CAMK2B: variants seen among roughly 807,000 people sequenced by gnomAD.
CAMK2B encodes calcium/calmodulin-dependent protein kinase type II subunit beta.
A neutral mutation model predicts 93.7 loss-of-function variants in CAMK2B; 27 were observed. The observed-to-expected ratio is 0.29, with a 90% CI of 0.21 to 0.40. The LOEUF is 0.40. CAMK2B is among the 10% of genes least tolerant of loss of function. CAMK2B has a pLI of 1.00. For missense variants in CAMK2B, 568 were observed against 895.8 expected (o/e 0.63, Z 4.67); for synonymous variants, 374 against 358.8 (o/e 1.04, Z -0.48).
chr7:44,304,388 C>A (rs1384831968), intron 1 of CAMK2B, among the ~76,000 whole-genome samples: 3 of 152,144 alleles, frequency 2.0e-5, no homozygotes, highest in Non-Finnish European at 4.4e-5. Flanking sequence ...TACATCCAGA[C>A]AATGGAATAT....
Position 44,311,302 on chromosome 7 carries a change from C to T in CAMK2B, c.65+14055G>A, listed in dbSNP as rs1019429513. Reference sequence around the variant, plus strand: ...TGTTGGCCAGGCTGGTCTCGAACTCCTGACTTCAAGTGATCCGCCCATCTC... The same window carrying T: ...TGTTGGCCAGGCTGGTCTCGAACTCTTGACTTCAAGTGATCCGCCCATCTC... On this transcript the variant is annotated intron_variant, in intron 1 of 23. Transcript: ENST00000395749. The surrounding 1 kb of genome is among the most constrained non-coding windows in gnomAD (Gnocchi z 4.2). Among the ~76,000 whole-genome samples, 2 of 152,304 alleles carry T rather than the reference C, an allele frequency of 1.3e-5. No individual in the cohort carries two copies. Among genetic ancestry groups the T allele is most frequent in the East Asian group, 3.9e-4 (2 of 5,176 alleles).
chr7:44,325,253 G>T (rs1324255133), intron 1 of CAMK2B, 104 bp downstream of exon 1: 9 of 572,628 alleles, frequency 1.6e-5, no homozygotes, highest in Non-Finnish European at 2.0e-5. Context: ...AGAAGCCGGC[G>T]GCGCGCGGGC....
Position 44,217,609 on chromosome 7 carries a change from A to ATGGGGACAGCTGTCC in CAMK2B, c.*1901_*1915dup, listed in dbSNP as rs1252943288. 5 of 152,256 alleles carry ATGGGGACAGCTGTCC rather than the reference A, an allele frequency of 3.3e-5. No individual in the cohort carries two copies. The highest frequency in any genetic ancestry group is 7.3e-5 in the Non-Finnish European group (5 of 68,084). The allele number at this position is 152,256 out of a possible 1,614,324, so 9.4% of individuals were successfully genotyped here. A position where few individuals can be genotyped will look rare whatever the true frequency, so the allele number is the denominator to read the frequency against. ...GCAGATGTTTACCCTGTGTTCATGG[A>ATGGGGACAGCTGTCC]TGGGGACAGCTGTCCTGGGCACAGC... is the stretch of plus-strand genomic sequence containing the variant. On this transcript the variant is annotated 3_prime_UTR_variant, in exon 24 of 24. Coordinates refer to ENST00000395749, the MANE Select transcript of CAMK2B (RefSeq NM_001220.5).
chr7:44,324,372 C>G (rs138392953), intron 1 of CAMK2B, among the ~76,000 whole-genome samples: 310 of 151,990 alleles, frequency 2.0e-3, no homozygotes, highest in Non-Finnish European at 1.4e-3. Flanking sequence ...AGTTCTGAAG[C>G]TAGCCCTAGG....
chr7:44,302,428 A>G (rs1297218432), intron 1 of CAMK2B, among the ~76,000 whole-genome samples: 2 of 152,182 alleles, frequency 1.3e-5, no homozygotes, highest in Non-Finnish European at 2.9e-5. Context: ...TAATACTAAA[A>G]CCAGACAAGG....
At chr7:44,319,682 C>CA (rs1249695118) in intron 1 of CAMK2B, among the ~76,000 whole-genome samples, 1 of 152,214 alleles carries the variant, frequency 6.6e-6, no homozygotes, top group Non-Finnish European at 1.5e-5. Flanking sequence ...AATGACCTTT[C>CA]AGGCCCTGAT....
chr7:44,263,398 G>A (rs1374297454), intron 2 of CAMK2B, among the ~76,000 whole-genome samples: 2 of 152,244 alleles, frequency 1.3e-5, no homozygotes, highest in Non-Finnish European at 2.9e-5. Context: ...CATACTCTTT[G>A]GAGCTTTTGG....
chr7:44,219,981 C>T, intron 23 of CAMK2B, 79 bp downstream of exon 23: 2 of 1,243,124 alleles, frequency 1.6e-6, no homozygotes, highest in East Asian at 2.6e-5. Context: ...CCACCGCTCC[C>T]CATCGCCTCC....
chr7:44,268,309 C>T (rs1229713188), intron 2 of CAMK2B, among the ~76,000 whole-genome samples: 5 of 152,230 alleles, frequency 3.3e-5, no homozygotes, highest in East Asian at 1.9e-4. Context: ...GTGGTGCCTG[C>T]CTGGTGGCTG....
intron 1 of CAMK2B, among the ~76,000 whole-genome samples, chr7:44,303,556 A>C (rs1340990498): frequency 6.6e-6 from 1 of 152,244 alleles, no homozygotes; most frequent in Non-Finnish European, 1.5e-5. Flanking sequence ...TCAGATGAAA[A>C]AAATGAATCT....
At chr7:44,302,981 A>G (rs984114732) in intron 1 of CAMK2B, among the ~76,000 whole-genome samples, 1 of 152,192 alleles carries the variant, frequency 6.6e-6, no homozygotes, top group Non-Finnish European at 1.5e-5. Flanking sequence ...TTTGTTCATA[A>G]ATGATATGCC....
chr7:44,266,909 C>T (rs547470935), intron 2 of CAMK2B: 1 of 152,254 alleles, frequency 6.6e-6, no homozygotes, highest in Non-Finnish European at 1.5e-5. Flanking sequence ...CCACCCCATC[C>T]AACAGCCGGT....
chr7:44,262,074 C>T (rs1023683718), intron 3 of CAMK2B, among the ~76,000 whole-genome samples: 1 of 152,232 alleles, frequency 6.6e-6, no homozygotes, highest in Non-Finnish European at 1.5e-5. Context: ...GGTGAAGCAT[C>T]AGATGAGGCG....
chr7:44,231,426 G>A (rs1190900428), intron 16 of CAMK2B, among the ~76,000 whole-genome samples: 1 of 152,218 alleles, frequency 6.6e-6, no homozygotes, highest in Non-Finnish European at 1.5e-5. Flanking sequence ...ACACATGAGG[G>A]CTCCACTTCT....
At chr7:44,291,289 C>T (rs942404586) in intron 1 of CAMK2B, among the ~76,000 whole-genome samples, 3 of 152,114 alleles carry the variant, frequency 2.0e-5, no homozygotes, top group Non-Finnish European at 4.4e-5. Flanking sequence ...CAAGCAGGTG[C>T]CCCGCCAGGC....
Position 44,325,526 on chromosome 7 carries a change from C to T in CAMK2B, c.-105G>A. The T allele has an allele frequency of 1.6e-6, 1 of 619,768 alleles. No homozygotes were observed. The highest frequency in any genetic ancestry group is 2.0e-6 in the Non-Finnish European group (1 of 496,954). The allele number at this position is 619,768 out of a possible 1,614,324, so 38.4% of individuals were successfully genotyped here. A position where few individuals can be genotyped will look rare whatever the true frequency, so the allele number is the denominator to read the frequency against. ...GCGACACGGGCGCGGGCGCGGGAGA[C>T]ACCTCGGCTCGCGGCGCCAGGCGGG... On this transcript the variant is annotated 5_prime_UTR_variant, in exon 1 of 24. Coordinates refer to ENST00000395749, the MANE Select transcript of CAMK2B (RefSeq NM_001220.5).
chr7:44,324,936 C>G (rs1305704772), intron 1 of CAMK2B: 1 of 151,990 alleles, frequency 6.6e-6, no homozygotes, highest in Non-Finnish European at 1.5e-5. Context: ...GGACAGCGCA[C>G]CCGCGTCGGG....
At chr7:44,261,601 T>C (rs1246806605) in intron 3 of CAMK2B, among the ~76,000 whole-genome samples, 1 of 152,092 alleles carries the variant, frequency 6.6e-6, no homozygotes, top group Admixed American at 6.5e-5. Flanking sequence ...GATGGAGCAC[T>C]GGGGGTCTGT....
intron 13 of CAMK2B, among the ~76,000 whole-genome samples, chr7:44,235,311 C>T (rs1416054623): frequency 2.0e-5 from 3 of 152,228 alleles, no homozygotes; most frequent in Non-Finnish European, 4.4e-5. Context: ...GCCTTGGGGC[C>T]GCTTCTGTGC....
Sources: gnomAD v4.1 joint callset for allele counts (sites outside exome capture counted in the v4.1 genomes callset) on GRCh38, gnomAD v4.1.1 for gene constraint, Gnocchi (gnomAD v3.1) non-coding constraint, MANE v1.5 for transcripts, NCBI Gene and HGNC (gene_info 2026-07-23, HGNC 2026-07-21) for gene names.